The following PCMTD1 variants were observed in gnomAD, a reference collection of about 807,000 sequenced individuals.
PCMTD1 encodes the protein protein-L-isoaspartate O-methyltransferase domain-containing protein 1.
In PCMTD1, 12 loss-of-function variants were observed where a neutral mutation model predicts 37.6. The observed-to-expected ratio is 0.32, with a 90% CI of 0.20 to 0.52. The LOEUF is 0.52. Ranked by LOEUF, PCMTD1 falls within the 20% of genes least tolerant of loss-of-function variation. The pLI is 0.97. For synonymous variants in PCMTD1, 117 were observed against 135.8 expected (o/e 0.86, Z 0.96); for missense variants, 235 against 421.3 (o/e 0.56, Z 3.87).
intron 1 of PCMTD1, among the ~76,000 whole-genome samples, chr8:51,876,525 G>A (rs1403169738): frequency 1.3e-5 from 2 of 152,164 alleles, no homozygotes; most frequent in Non-Finnish European, 2.9e-5. Flanking sequence ...CCAGAGCTGG[G>A]TTTCTAAATA....
chr8:51,861,620 C>T (rs2038470664), intron 1 of PCMTD1, among the ~76,000 whole-genome samples: 1 of 152,132 alleles, frequency 6.6e-6, no homozygotes, highest in African/African-American at 2.4e-5. Flanking sequence ...TGTTTAATAG[C>T]TACTTGTAGC....
chr8:51,892,117 T>G (rs1283491007), intron 1 of PCMTD1, among the ~76,000 whole-genome samples: 1 of 152,154 alleles, frequency 6.6e-6, no homozygotes, highest in Non-Finnish European at 1.5e-5. Flanking sequence ...AAATCTTATT[T>G]CTGAATATAC....
At chr8:51,832,593 G>A (rs2038012925) in intron 4 of PCMTD1, among the ~76,000 whole-genome samples, 1 of 152,160 alleles carries the variant, frequency 6.6e-6, no homozygotes. Flanking sequence ...GAATATTGGA[G>A]ATATTTTTTA....
In PCMTD1 at chr8:51,833,543, A is replaced by G; in HGVS notation, c.557T>C (p.Ile186Thr). Residue 186 changes from isoleucine (I) to threonine (T), a missense_variant, in exon 4 of 6, where the codon ATA becomes ACA. Physicochemically the swap from Ile to Thr is moderately conservative, Grantham distance 89. Around this residue, in one of 3 missense-constraint regions of PCMTD1, gnomAD observed 183 missense variants for 349.3 expected, o/e 0.52. Coordinates refer to ENST00000522514, the MANE Select transcript of PCMTD1 (RefSeq NM_052937.4). ...CTGATCCTCTATAGGCATGACTAAT[A>G]TGCCTCCAACTTTTAGTAATATTTT... The part of the protein sequence containing the change: ...YMKILLKVGG[I>T]LVMPIEDQLT... 1 of 1,612,538 alleles carries G rather than the reference A, an allele frequency of 6.2e-7. No individual in the cohort carries two copies. Among genetic ancestry groups the G allele is most frequent in the Non-Finnish European group, 8.5e-7 (1 of 1,179,238 alleles).
chr8:51,883,656 TG>T (rs1329357123), intron 1 of PCMTD1, among the ~76,000 whole-genome samples: 1 of 152,216 alleles, frequency 6.6e-6, no homozygotes, highest in African/African-American at 2.4e-5. Context: ...CCAAGGTATG[TG>T]TATTTTCTAA....
rs1436519568 is a variant in PCMTD1, at chr8:51,862,085, ATAGAT to A, written c.-95-844_-95-840del. ...ATAGTATAGTATAGTACAGTATAGTATAGATTAATTTTAAAAATTAGTTGATTTTA... is the reference window on the plus strand; with the variant it reads ...ATAGTATAGTATAGTACAGTATAGTATAATTTTAAAAATTAGTTGATTTTA... On this transcript the variant is annotated intron_variant, in intron 1 of 5. Transcript: ENST00000522514. 2.6e-5 allele frequency among the ~76,000 whole-genome samples: 4 copies of A among 152,342 alleles called. No homozygotes were observed. In the East Asian group the frequency reaches 5.8e-4, roughly 22 times the overall value.
rs147427997 is a variant in PCMTD1, at chr8:51,898,776, G to A, written c.-96+154C>T. Among the ~76,000 whole-genome samples the A allele has an allele frequency of 6.3e-3, 593 of 93,436 alleles. 3 individuals are homozygous for A. The highest frequency in any genetic ancestry group is 0.01 in the Admixed American group (77 of 7,620). 61.3% of individuals were successfully genotyped at this position (93,436 alleles called of 152,430 possible). ...GCAGCGCCTCAGTTTCCTGGCCCCC[G>A]ACCTGCCCGCCCTTAAGTCCCCCTG... On this transcript the variant is annotated intron_variant, in intron 1 of 5. Transcript: ENST00000522514.
chr8:51,871,564 A>G (rs2038639200), intron 1 of PCMTD1, among the ~76,000 whole-genome samples: 1 of 152,194 alleles, frequency 6.6e-6, no homozygotes, highest in Non-Finnish European at 1.5e-5. Flanking sequence ...TTTGTTACAT[A>G]ATTTAGCAAA....
intron 2 of PCMTD1, among the ~76,000 whole-genome samples, chr8:51,857,285 CAG>C (rs754722131): frequency 5.9e-5 from 9 of 152,296 alleles, no homozygotes; most frequent in African/African-American, 2.2e-4. Context: ...GCAGTCTCCC[CAG>C]AGTCACTCCT....
intron 4 of PCMTD1, among the ~76,000 whole-genome samples, chr8:51,832,355 A>G (rs1424266433): frequency 6.6e-6 from 1 of 152,230 alleles, no homozygotes; most frequent in Non-Finnish European, 1.5e-5. Context: ...TTAAAAATGA[A>G]TATTTATATA....
Position 51,893,433 on chromosome 8 carries a change from G to A in PCMTD1, c.-96+5497C>T, listed in dbSNP as rs146210784. Among the ~76,000 whole-genome samples, 6 of 152,220 alleles carry A rather than the reference G, an allele frequency of 3.9e-5. No homozygotes were observed. In the East Asian group the frequency reaches 7.7e-4, roughly 20 times the overall value. On this transcript the variant is annotated intron_variant, in intron 1 of 5. Transcript: ENST00000522514. Reference sequence around the variant, plus strand: ...CTGTGTGAGGGCATTTCAGCTGATTGTACAGCTGGAGCTTCCTGATATCAC... The same window carrying A: ...CTGTGTGAGGGCATTTCAGCTGATTATACAGCTGGAGCTTCCTGATATCAC...
In PCMTD1 at chr8:51,819,522, A is replaced by C. The variant is rs1188686589; in HGVS notation, c.*829T>G. The C allele has an allele frequency of 6.6e-6, 1 of 152,520 alleles. No individual in the cohort carries two copies. The highest frequency in any genetic ancestry group is 1.5e-5 in the Non-Finnish European group (1 of 68,052). The allele number at this position is 152,520 out of a possible 1,614,324, so 9.4% of individuals were successfully genotyped here. ...CATAACAATGGTTTTGCTTTTTTTA[A>C]AAAACCAAATACTTTATACAGTGAA... On this transcript the variant is annotated 3_prime_UTR_variant, in exon 6 of 6. Transcript: ENST00000522514.
chr8:51,897,073 A>C (rs1449096630), intron 1 of PCMTD1, among the ~76,000 whole-genome samples: 1 of 152,238 alleles, frequency 6.6e-6, no homozygotes, highest in Non-Finnish European at 1.5e-5. Context: ...ATCATAAAAT[A>C]CTACACAATT....
chr8:51,825,996 C>T (rs1048650916), intron 5 of PCMTD1, among the ~76,000 whole-genome samples: 1 of 152,098 alleles, frequency 6.6e-6, no homozygotes, highest in Admixed American at 6.6e-5. Flanking sequence ...ACATTTGACC[C>T]AGCAATCCCA....
At position 51,818,175 on chromosome 8, in the gene PCMTD1, T is replaced by C. The variant is rs1416318103; in HGVS notation, c.*2176A>G. The C allele has an allele frequency of 9.5e-6, 3 of 316,832 alleles. No individual in the cohort carries two copies. Among genetic ancestry groups the C allele is most frequent in the African/African-American group, 2.2e-5 (1 of 45,044 alleles). 19.6% of individuals were successfully genotyped at this position (316,832 alleles called of 1,614,324 possible). A position where few individuals can be genotyped will look rare whatever the true frequency, so the allele number is the denominator to read the frequency against. The stretch of plus-strand genomic sequence containing the variant: ...AAGGCTTTAGCTTTAATTTTCATTT[T>C]TCATTTCTACCTCTTAAAGTCAATG... On this transcript the variant is annotated 3_prime_UTR_variant, in exon 6 of 6. Coordinates refer to ENST00000522514, the MANE Select transcript of PCMTD1 (RefSeq NM_052937.4).
chr8:51,863,379 T>C (rs900969116), intron 1 of PCMTD1, among the ~76,000 whole-genome samples: 4 of 152,198 alleles, frequency 2.6e-5, no homozygotes, highest in East Asian at 1.9e-4. Context: ...CTTTACCACA[T>C]AGCTCACATT....
chr8:51,847,183 T>C (rs971504162), intron 2 of PCMTD1, among the ~76,000 whole-genome samples: 1 of 152,172 alleles, frequency 6.6e-6, no homozygotes, highest in South Asian at 2.1e-4. Context: ...ATTTTTATAT[T>C]CAAAATAATA....
intron 5 of PCMTD1, among the ~76,000 whole-genome samples, chr8:51,830,599 G>T (rs1016977942): frequency 9.2e-5 from 14 of 152,210 alleles, no homozygotes; most frequent in Admixed American, 2.0e-4. Context: ...CACCTGACTG[G>T]CCTGCCTGCC....
intron 2 of PCMTD1, among the ~76,000 whole-genome samples, chr8:51,859,130 G>T (rs1306141953): frequency 2.0e-5 from 3 of 152,158 alleles, no homozygotes; most frequent in Admixed American, 2.0e-4. Context: ...AGAAGGGTAA[G>T]ACAGAATAAA....
Sources: allele counts gnomAD v4.1 joint callset (sites outside exome capture counted in the v4.1 genomes callset), GRCh38; gene constraint gnomAD v4.1.1; regional missense constraint gnomAD v4.1.1; transcripts MANE v1.5; gene names NCBI Gene and HGNC (gene_info 2026-07-23, HGNC 2026-07-21).